Variants in CRYBG3 observed in about 807,000 individuals in gnomAD.
The protein encoded by CRYBG3 is very large A-kinase anchor protein.
CRYBG3 carries 127 observed loss-of-function variants against 244.2 expected under a neutral mutation model. The observed-to-expected ratio is 0.52, with a 90% CI of 0.45 to 0.60. The LOEUF is 0.60. Ranked by LOEUF, CRYBG3 falls within the 20% of genes least tolerant of loss-of-function variation. The pLI is 0.00. For synonymous variants in CRYBG3, 1,132 were observed against 1,195.8 expected (o/e 0.95, Z 1.10); for missense variants, 3,325 against 3,442.5 (o/e 0.97, Z 0.85).
chr3:97,934,185 G>C (rs1328328254), intron 18 of CRYBG3, among the ~76,000 whole-genome samples: 1 of 152,108 alleles, frequency 6.6e-6, no homozygotes, highest in Non-Finnish European at 1.5e-5. Context: ...TCACTTGCCT[G>C]TGGACTACAC....
In CRYBG3 at chr3:97,944,381, A is replaced by AAATT. The variant is rs905845814; in HGVS notation, c.*1069_*1072dup. The AAATT allele has an allele frequency of 2.7e-4, 41 of 152,450 alleles. No homozygotes were observed. Among genetic ancestry groups the AAATT allele is most frequent in the African/African-American group, 9.9e-4 (41 of 41,512 alleles). 9.4% of individuals were successfully genotyped at this position (152,450 alleles called of 1,614,324 possible). A position where few individuals can be genotyped will look rare whatever the true frequency, so the allele number is the denominator to read the frequency against. On this transcript the variant is annotated 3_prime_UTR_variant, in exon 22 of 22. Coordinates refer to ENST00000389622, the MANE Select transcript of CRYBG3 (RefSeq NM_153605.4). ...ATGTTTTCCTGGTGAATTGGACTGA[A>AAATT]AATTACATTTTGACAACTTTTTTTC...
intron 19 of CRYBG3, among the ~76,000 whole-genome samples, chr3:97,937,519 G>A (rs1414304759): frequency 6.6e-6 from 1 of 151,982 alleles, no homozygotes; most frequent in East Asian, 1.9e-4. Flanking sequence ...AGTCATCCCT[G>A]TAAATTCTAC....
At chr3:97,827,007 A>G (rs2038586619) in intron 1 of CRYBG3, among the ~76,000 whole-genome samples, 1 of 152,246 alleles carries the variant, frequency 6.6e-6, no homozygotes, top group South Asian at 2.1e-4. Flanking sequence ...TTCCTTTGCC[A>G]AGGCAGCATA....
At chr3:97,895,915 A>G (rs1300305941) in intron 11 of CRYBG3, 44 bp from the exon 12 acceptor site, 11 of 1,590,476 alleles carry the variant, frequency 6.9e-6, no homozygotes, top group African/African-American at 1.4e-5. Context: ...TTTCTTGACT[A>G]CAGTTTTATT....
At chr3:97,852,076 A>G (rs568351205) in intron 2 of CRYBG3, among the ~76,000 whole-genome samples, 98 of 152,324 alleles carry the variant, frequency 6.4e-4, no homozygotes, top group African/African-American at 2.3e-3. Flanking sequence ...GCATCCAGGT[A>G]TGGAGATAGA....
At position 97,877,894 on chromosome 3, in the gene CRYBG3, A is replaced by T. The variant is rs1163041184; in HGVS notation, c.6700A>T (p.Lys2234Ter). The T allele has an allele frequency of 1.9e-6, 3 of 1,614,028 alleles. No homozygotes were observed. The highest frequency in any genetic ancestry group is 1.7e-5 in the Admixed American group (1 of 59,994). ...DLTSKLHSSL[K>*]SAYHQYLQTS... is the part of the protein sequence containing the mutation. ...TACTTCTAAACTACATTCTTCTTTA[A>T]AGAGTGCTTATCATCAGTATCTGCA... Residue 2234 changes from lysine to a stop codon, truncating the protein, a stop_gained, in exon 4 of 22, where the codon AAG becomes TAG. Transcript: ENST00000389622. LOFTEE classifies it high-confidence loss of function.
chr3:97,827,973 C>T (rs989920572), intron 1 of CRYBG3, among the ~76,000 whole-genome samples: 1 of 152,118 alleles, frequency 6.6e-6, no homozygotes, highest in Non-Finnish European at 1.5e-5. Flanking sequence ...CCCAGATGGA[C>T]TGGGTCAGAG....
intron 15 of CRYBG3, among the ~76,000 whole-genome samples, chr3:97,906,778 C>T (rs1340921539): frequency 6.6e-6 from 1 of 152,100 alleles, no homozygotes; most frequent in Non-Finnish European, 1.5e-5. Flanking sequence ...ACTTCCAACA[C>T]TGTGTTGAAT....
At chr3:97,916,696 C>T (rs901471034) in intron 17 of CRYBG3, among the ~76,000 whole-genome samples, 1 of 152,118 alleles carries the variant, frequency 6.6e-6, no homozygotes, top group African/African-American at 2.4e-5. Flanking sequence ...TTGATCTCAA[C>T]CTAAGCAATG....
Position 97,872,349 on chromosome 3 carries a change from A to G in CRYBG3, c.1155A>G (p.Thr385=), listed in dbSNP as rs2039315227. 2 of 1,536,006 alleles carry G rather than the reference A, an allele frequency of 1.3e-6. No homozygotes were observed. Among genetic ancestry groups the G allele is most frequent in the African/African-American group, 2.7e-5 (2 of 73,144 alleles). The change falls in exon 4 of 22, where the codon ACA becomes ACG. Residue 385 remains threonine, a synonymous_variant. Coordinates refer to ENST00000389622, the MANE Select transcript of CRYBG3 (RefSeq NM_153605.4). ...NRNLVCSALL[T]GSNHRKVPCS... ...ATTTGGTATGTTCAGCATTGTTAAC[A>G]GGAAGTAACCATCGCAAAGTCCCTT...
At chr3:97,898,751 G>T (rs973800231) in intron 12 of CRYBG3, 132 bp from the exon 13 acceptor site, 5 of 571,786 alleles carry the variant, frequency 8.7e-6, no homozygotes, top group African/African-American at 7.8e-5. Context: ...TTGTTTCCAG[G>T]GCCATCTAAA....
intron 8 of CRYBG3, among the ~76,000 whole-genome samples, chr3:97,887,631 C>A (rs2039524907): frequency 6.6e-6 from 1 of 152,296 alleles, no homozygotes; most frequent in South Asian, 2.1e-4. Flanking sequence ...TGGCGCATTC[C>A]TGTAATCCCA....
intron 15 of CRYBG3, among the ~76,000 whole-genome samples, chr3:97,907,782 C>G (rs1053738358): frequency 6.6e-6 from 1 of 151,742 alleles, no homozygotes; most frequent in African/African-American, 2.4e-5. Flanking sequence ...TTCTTGCCTT[C>G]TGCTAGCTTT....
chr3:97,880,059 G>T lies in CRYBG3; in HGVS notation c.6963G>T (p.Trp2321Cys), dbSNP rs1482558851. ...GTAATATTCCTGATGCTACATCATG[G>T]TCTTTTCCAAATGGAGTTCTAATAA... ...VYCNIPDATSWSFPNGVLIKV... is the reference protein window; with the variant it reads ...VYCNIPDATSCSFPNGVLIKV... The change falls in exon 6 of 22, where the codon TGG becomes TGT. Residue 2321 changes from tryptophan (W) to cysteine (C), a missense_variant. By Grantham distance (215) the Trp-to-Cys change is radical. Transcript: ENST00000389622. The T allele has an allele frequency of 6.3e-7, 1 of 1,599,788 alleles. No homozygotes were observed. The highest frequency in any genetic ancestry group is 2.2e-5 in the East Asian group (1 of 44,504).
intron 21 of CRYBG3, 66 bp downstream of exon 21, chr3:97,942,509 T>G: frequency 7.0e-7 from 1 of 1,426,302 alleles, no homozygotes; most frequent in Non-Finnish European, 9.5e-7. Context: ...ATCTCCTCAT[T>G]TTGGGTAAAG....
At chr3:97,856,204 AAGAAG>A (rs1167312156) in intron 2 of CRYBG3, among the ~76,000 whole-genome samples, 1 of 152,142 alleles carries the variant, frequency 6.6e-6, no homozygotes. Flanking sequence ...TTGCTTTTGA[AAGAAG>A]AGAAATATGG....
chr3:97,858,590 C>G (rs2039100074), intron 2 of CRYBG3, among the ~76,000 whole-genome samples: 1 of 152,022 alleles, frequency 6.6e-6, no homozygotes, highest in African/African-American at 2.4e-5. Context: ...TCTGCTTCAT[C>G]TAATCTATTA....
At chr3:97,837,557 G>A (rs569354498) in intron 1 of CRYBG3, among the ~76,000 whole-genome samples, 16 of 152,210 alleles carry the variant, frequency 1.1e-4, no homozygotes, top group African/African-American at 2.9e-4. Context: ...AATTTCAGGC[G>A]GCATCAGTTT....
chr3:97,857,757 T>C (rs2039087275), intron 2 of CRYBG3, among the ~76,000 whole-genome samples: 1 of 152,058 alleles, frequency 6.6e-6, no homozygotes, highest in African/African-American at 2.4e-5. Flanking sequence ...TTGAGTTCTG[T>C]TTTTTTATCC....
Sources: allele counts gnomAD v4.1 joint callset (sites outside exome capture counted in the v4.1 genomes callset), GRCh38; gene constraint gnomAD v4.1.1; transcripts MANE v1.5; gene names NCBI Gene and HGNC (gene_info 2026-07-23, HGNC 2026-07-21).